The following ZNF385B variants were observed in gnomAD, a reference collection of about 807,000 sequenced individuals.
The protein encoded by ZNF385B is zinc finger protein 385B.
In ZNF385B, 23 loss-of-function variants were observed where a neutral mutation model predicts 39.2. That is an observed-to-expected ratio of 0.59 (90% CI 0.42 to 0.83). The LOEUF is 0.83. Ranked by LOEUF, ZNF385B falls within the 40% of genes least tolerant of loss-of-function variation. ZNF385B has a pLI of 0.00. For missense variants in ZNF385B, 552 were observed against 598.9 expected (o/e 0.92, Z 0.82); for synonymous variants, 205 against 222.6 (o/e 0.92, Z 0.70).
chr2:179,831,988 G>A (rs1559234208), intron 1 of ZNF385B, among the ~76,000 whole-genome samples: 1 of 152,224 alleles, frequency 6.6e-6, no homozygotes, highest in Non-Finnish European at 1.5e-5. Flanking sequence ...ATGATAGGGT[G>A]TGGAGTTTCA....
At chr2:179,613,219 G>T (rs772947901) in intron 3 of ZNF385B, among the ~76,000 whole-genome samples, 1 of 152,130 alleles carries the variant, frequency 6.6e-6, no homozygotes, top group Non-Finnish European at 1.5e-5. Context: ...CCCTCTTGGT[G>T]TTCTACCAAC....
intron 6 of ZNF385B, among the ~76,000 whole-genome samples, chr2:179,456,519 A>G (rs899330433): frequency 9.2e-5 from 14 of 152,186 alleles, no homozygotes; most frequent in Admixed American, 8.5e-4. Context: ...CTCTGAAAGG[A>G]AACAAAAATC....
At chr2:179,530,762 G>C (rs940986582) in intron 4 of ZNF385B, among the ~76,000 whole-genome samples, 1 of 152,058 alleles carries the variant, frequency 6.6e-6, no homozygotes, top group African/African-American at 2.4e-5. Context: ...CCCCATAATG[G>C]GGGCCAACAC....
At chr2:179,834,176 A>T (rs1354438380) in intron 1 of ZNF385B, among the ~76,000 whole-genome samples, 1 of 152,152 alleles carries the variant, frequency 6.6e-6, no homozygotes, top group Non-Finnish European at 1.5e-5. Flanking sequence ...TACTAAAAGC[A>T]ATGATACCCC....
At chr2:179,682,017 G>A (rs10180972) in intron 3 of ZNF385B, among the ~76,000 whole-genome samples, 31,443 of 152,046 alleles carry the variant, frequency 0.21, 3,370 homozygotes, top group African/African-American at 0.23. Context: ...TACTCAAATC[G>A]TGTCCTCAAC....
At chr2:179,695,925 A>C (rs995995927) in intron 3 of ZNF385B, among the ~76,000 whole-genome samples, 2 of 152,280 alleles carry the variant, frequency 1.3e-5, no homozygotes, top group Non-Finnish European at 2.9e-5. Flanking sequence ...AATAGTATTC[A>C]GCCATAAAAA....
intron 3 of ZNF385B, among the ~76,000 whole-genome samples, chr2:179,655,326 A>G (rs372815020): frequency 9.9e-5 from 15 of 152,282 alleles, no homozygotes; most frequent in African/African-American, 3.6e-4. Context: ...ATAAATTACC[A>G]AAATAGAAGA....
intron 3 of ZNF385B, among the ~76,000 whole-genome samples, chr2:179,605,974 T>C (rs1468606842): frequency 6.6e-6 from 1 of 152,162 alleles, no homozygotes; most frequent in African/African-American, 2.4e-5. Context: ...ACCAGTGAAT[T>C]CTGAACTGTT....
At position 179,503,811 on chromosome 2, in the gene ZNF385B, C is replaced by A. The variant is rs2056978789; in HGVS notation, c.552+14717G>T. 2.0e-5 allele frequency among the ~76,000 whole-genome samples: 3 copies of A among 147,672 alleles called. No individual in the cohort carries two copies. The South Asian group carries it at 6.4e-4, about 32-fold the overall frequency. On this transcript the variant is annotated intron_variant, in intron 5 of 9. Coordinates refer to ENST00000410066, the MANE Select transcript of ZNF385B (RefSeq NM_152520.6). ...GTCCCTACAAAGGACATGAACTCAT[C>A]ATTTTTTATGGCTGCATAGTATTCC...
chr2:179,524,551 C>CAAAAAAAAGAAAAAAAAAAAAAAA (rs1300764305), intron 4 of ZNF385B, among the ~76,000 whole-genome samples: 2 of 60,970 alleles, frequency 3.3e-5, no homozygotes, highest in Non-Finnish European at 5.3e-5. Flanking sequence ...GACTCCGTCT[C>CAAAAAAAAGAAAAAAAAAAAAAAA]AAAAAAAAAA....
chr2:179,492,813 C>T (rs748043999), intron 5 of ZNF385B, among the ~76,000 whole-genome samples: 8 of 151,950 alleles, frequency 5.3e-5, no homozygotes, highest in Non-Finnish European at 7.4e-5. Flanking sequence ...ATAACAGATA[C>T]CTTCAAAACA....
At chr2:179,763,954 G>A (rs1007894293) in intron 3 of ZNF385B, among the ~76,000 whole-genome samples, 5 of 152,014 alleles carry the variant, frequency 3.3e-5, no homozygotes, top group Non-Finnish European at 7.4e-5. Flanking sequence ...ATTGAGTAGA[G>A]GTCTATATAA....
At chr2:179,809,463 G>A (rs1401520575) in intron 1 of ZNF385B, among the ~76,000 whole-genome samples, 3 of 152,074 alleles carry the variant, frequency 2.0e-5, no homozygotes, top group Non-Finnish European at 4.4e-5. Flanking sequence ...TAAATTACAT[G>A]AAACATGGCC....
chr2:179,676,428 G>A (rs533197496), intron 3 of ZNF385B, among the ~76,000 whole-genome samples: 8 of 152,178 alleles, frequency 5.3e-5, no homozygotes, highest in South Asian at 4.2e-4. Flanking sequence ...GTTTCACCGT[G>A]TTAGCCAGGA....
At chr2:179,740,133 T>C (rs1242701812) in intron 3 of ZNF385B, among the ~76,000 whole-genome samples, 1 of 152,138 alleles carries the variant, frequency 6.6e-6, no homozygotes, top group Non-Finnish European at 1.5e-5. Flanking sequence ...CCAAGAATCC[T>C]GAGTAAAGAA....
intron 3 of ZNF385B, among the ~76,000 whole-genome samples, chr2:179,578,981 G>C (rs1469856395): frequency 1.3e-5 from 2 of 151,976 alleles, no homozygotes; most frequent in Non-Finnish European, 2.9e-5. Context: ...ATGAGAATCA[G>C]GAATGATGTG....
intron 3 of ZNF385B, among the ~76,000 whole-genome samples, chr2:179,586,223 A>G (rs192072171): frequency 1.2e-3 from 181 of 152,296 alleles, no homozygotes; most frequent in Admixed American, 2.4e-3. Context: ...CTAAACCCAG[A>G]TAGGATTGAC....
intron 6 of ZNF385B, among the ~76,000 whole-genome samples, chr2:179,475,752 A>T (rs1390410399): frequency 6.6e-6 from 1 of 151,548 alleles, no homozygotes; most frequent in Non-Finnish European, 1.5e-5. Context: ...TCACTGAAAC[A>T]TGTCGAAAGT....
At position 179,653,209 on chromosome 2, in the gene ZNF385B, A is replaced by G. The variant is rs541611991; in HGVS notation, c.299-108240T>C. On this transcript the variant is annotated intron_variant, in intron 3 of 9. Transcript: ENST00000410066. Reference sequence around the variant, plus strand: ...GTCATAGAACATCAGGAGACCATCAAAAAGCATATCAAAATGCAAAAGGAC... The same window carrying G: ...GTCATAGAACATCAGGAGACCATCAGAAAGCATATCAAAATGCAAAAGGAC... 2.8e-4 allele frequency among the ~76,000 whole-genome samples: 43 copies of G among 152,312 alleles called. 1 individual carries two copies. The highest frequency in any genetic ancestry group is 1.0e-3 in the African/African-American group (43 of 41,576).
Sources: allele counts gnomAD v4.1 joint callset (sites outside exome capture counted in the v4.1 genomes callset), GRCh38; gene constraint gnomAD v4.1.1; transcripts MANE v1.5; gene names NCBI Gene and HGNC (gene_info 2026-07-23, HGNC 2026-07-21).